Variants in CTNNA3 observed in about 807,000 individuals in gnomAD.
The protein encoded by CTNNA3 is catenin alpha 3, also known as catenin alpha-3.
A neutral mutation model predicts 95.7 loss-of-function variants in CTNNA3; 76 were observed. That is an observed-to-expected ratio of 0.79 (90% CI 0.66 to 0.96). CTNNA3 has a LOEUF of 0.96. CTNNA3 is among the 40% of genes least tolerant of loss of function. The pLI is 0.00. For missense variants in CTNNA3, 1,191 were observed against 1,089.8 expected, an observed-to-expected ratio of 1.09 and a Z score of -1.31; for synonymous variants, 431 against 374.4, an observed-to-expected ratio of 1.15 and a Z score of -1.74.
intron 7 of CTNNA3, among the ~76,000 whole-genome samples, chr10:66,889,561 A>G (rs1271968452): frequency 6.6e-6 from 1 of 152,200 alleles, no homozygotes; most frequent in Admixed American, 6.5e-5. Context: ...AAAAGAAAAA[A>G]AGATGACCGT....
intron 2 of CTNNA3, among the ~76,000 whole-genome samples, chr10:67,636,316 C>T (rs545272542): frequency 6.6e-6 from 1 of 152,066 alleles, no homozygotes; most frequent in South Asian, 2.1e-4. Flanking sequence ...AGAAAAAAAA[C>T]TATTTTAAAA....
chr10:66,681,779 A>G (rs144728963), intron 9 of CTNNA3, among the ~76,000 whole-genome samples: 6 of 152,270 alleles, frequency 3.9e-5, no homozygotes, highest in African/African-American at 1.4e-4. Flanking sequence ...TATTCCTCTA[A>G]GACTGATTTT....
At chr10:65,935,981 T>C (rs2077331429) in intron 17 of CTNNA3, among the ~76,000 whole-genome samples, 1 of 152,106 alleles carries the variant, frequency 6.6e-6, no homozygotes, top group African/African-American at 2.4e-5. Flanking sequence ...TAGTGAGGTT[T>C]TTGCAACAGC....
chr10:66,130,105 C>T (rs1490690622), intron 13 of CTNNA3, among the ~76,000 whole-genome samples: 1 of 152,164 alleles, frequency 6.6e-6, no homozygotes, highest in African/African-American at 2.4e-5. Context: ...GACCTGCCCC[C>T]AGCCCTGAGC....
chr10:66,406,107 T>A (rs2093054918), intron 11 of CTNNA3, among the ~76,000 whole-genome samples: 1 of 152,184 alleles, frequency 6.6e-6, no homozygotes, highest in Non-Finnish European at 1.5e-5. Context: ...AAATGGCAGT[T>A]AATGACAATG....
chr10:67,727,066 A>AATTAT (rs1841236761), intron 1 of CTNNA3, among the ~76,000 whole-genome samples: 1 of 113,298 alleles, frequency 8.8e-6, no homozygotes, highest in African/African-American at 3.9e-5. Flanking sequence ...AATTATATAT[A>AATTAT]ATATATGATA....
chr10:67,325,101 G>A (rs1043191814), intron 5 of CTNNA3, among the ~76,000 whole-genome samples: 1 of 151,782 alleles, frequency 6.6e-6, no homozygotes, highest in Non-Finnish European at 1.5e-5. Flanking sequence ...TGTTGTTTCT[G>A]ATTATGTTTA....
chr10:66,061,089 T>A (rs2080186554), intron 15 of CTNNA3, among the ~76,000 whole-genome samples: 1 of 152,138 alleles, frequency 6.6e-6, no homozygotes. Context: ...CTTCTCAATG[T>A]TAACAATGTA....
At chr10:66,660,520 G>T (rs1346270013) in intron 9 of CTNNA3, among the ~76,000 whole-genome samples, 1 of 152,166 alleles carries the variant, frequency 6.6e-6, no homozygotes, top group African/African-American at 2.4e-5. Flanking sequence ...AAAAATCAGT[G>T]ACCAACTTGT....
At chr10:67,680,701 A>G (rs918436841) in intron 1 of CTNNA3, among the ~76,000 whole-genome samples, 1 of 152,228 alleles carries the variant, frequency 6.6e-6, no homozygotes, top group African/African-American at 2.4e-5. Flanking sequence ...GGTACCCTTT[A>G]CTAAAATAAA....
rs146556874 is a variant in CTNNA3, at chr10:66,118,413, G to A, written c.1885-15164C>T. 32 of 152,206 alleles carry A rather than the reference G, an allele frequency of 2.1e-4. No individual in the cohort carries two copies. In the East Asian group the frequency reaches 6.2e-3, roughly 29 times the overall value. 9.4% of individuals were successfully genotyped at this position (152,206 alleles called of 1,614,324 possible). On this transcript the variant is annotated intron_variant, in intron 13 of 17. Coordinates refer to ENST00000433211, the MANE Select transcript of CTNNA3 (RefSeq NM_013266.4). ...GTACCATCTGATTACAACCCTGAAGGTATATGCTAAAGAAAACTAATAATA... is the reference window on the plus strand; with the variant it reads ...GTACCATCTGATTACAACCCTGAAGATATATGCTAAAGAAAACTAATAATA...
intron 11 of CTNNA3, 88 bp from the exon 12 acceptor site, chr10:66,379,440 G>A: frequency 9.1e-7 from 1 of 1,103,704 alleles, no homozygotes; most frequent in East Asian, 2.4e-5. Flanking sequence ...GTTAACTTCT[G>A]ACTTCAGATA....
chr10:67,329,633 T>C (rs1463189989), intron 5 of CTNNA3, among the ~76,000 whole-genome samples: 1 of 152,200 alleles, frequency 6.6e-6, no homozygotes, highest in Non-Finnish European at 1.5e-5. Context: ...CTCAAATAGA[T>C]GATTCTAAAT....
intron 7 of CTNNA3, among the ~76,000 whole-genome samples, chr10:67,093,506 T>C (rs776775885): frequency 3.3e-5 from 5 of 151,818 alleles, no homozygotes; most frequent in African/African-American, 7.3e-5. Context: ...TTGATGGTTA[T>C]GTGAAGAGAA....
intron 5 of CTNNA3, among the ~76,000 whole-genome samples, chr10:67,467,053 A>C (rs1382863972): frequency 6.6e-6 from 1 of 152,140 alleles, no homozygotes; most frequent in African/African-American, 2.4e-5. Context: ...TGGGAGGATC[A>C]CATAAGCCCA....
chr10:66,192,145 C>A (rs1049702392), intron 13 of CTNNA3, among the ~76,000 whole-genome samples: 26 of 151,986 alleles, frequency 1.7e-4, no homozygotes, highest in Non-Finnish European at 2.9e-4. Context: ...CAAAACAAAC[C>A]AAGATAGATC....
intron 11 of CTNNA3, among the ~76,000 whole-genome samples, chr10:66,508,210 G>GTTTTTTTTTTTTTTTTTTTT (rs756807793): frequency 1.8e-5 from 2 of 108,422 alleles, no homozygotes; most frequent in African/African-American, 3.5e-5. Context: ...TTTGTTTTCT[G>GTTTTTTTTTTTTTTTTTTTT]TTTTTTTTTT....
chr10:66,727,291 A>G (rs1188869174), intron 9 of CTNNA3, among the ~76,000 whole-genome samples: 1 of 152,080 alleles, frequency 6.6e-6, no homozygotes, highest in Non-Finnish European at 1.5e-5. Context: ...AGGAAAAAAT[A>G]TCAAGAATAG....
chr10:66,184,164 G>A (rs926793669), intron 13 of CTNNA3, among the ~76,000 whole-genome samples: 2 of 151,896 alleles, frequency 1.3e-5, no homozygotes, highest in African/African-American at 4.8e-5. Flanking sequence ...CTGGGCGCGG[G>A]GGTGGGCGCC....
Sources: gnomAD v4.1 joint callset for allele counts (sites outside exome capture counted in the v4.1 genomes callset) on GRCh38, gnomAD v4.1.1 for gene constraint, MANE v1.5 for transcripts, NCBI Gene and HGNC (gene_info 2026-07-23, HGNC 2026-07-21) for gene names.